Variants in CCDC152 observed in about 807,000 individuals in gnomAD.
CCDC152 encodes the protein coiled-coil domain containing 152.
Under a neutral mutation model 38.1 loss-of-function variants are expected in CCDC152, and 37 were observed. The ratio of observed to expected loss-of-function variants is 0.97; its 90% CI spans 0.75 to 1.28. CCDC152 has a LOEUF of 1.28. Among genes scored for constraint, CCDC152 ranks in the 50% most tolerant of loss-of-function variants. The pLI is 0.00. For missense variants in CCDC152, 259 were observed against 292.1 expected, an observed-to-expected ratio of 0.89 and a Z score of 0.83; for synonymous variants, 83 against 87.1, an observed-to-expected ratio of 0.95 and a Z score of 0.26.
Position 42,799,361 on chromosome 5 carries a change from T to G in CCDC152, c.559-14T>G. The G allele has an allele frequency of 7.2e-7, 1 of 1,393,270 alleles. No homozygotes were observed. The highest frequency in any genetic ancestry group is 9.8e-7 in the Non-Finnish European group (1 of 1,019,906). 86.3% of individuals were successfully genotyped at this position (1,393,270 alleles called of 1,614,324 possible). A position where few individuals can be genotyped will look rare whatever the true frequency, so the allele number is the denominator to read the frequency against. On this transcript the variant is annotated splice_polypyrimidine_tract_variant and intron_variant, in intron 7 of 8. Coordinates refer to ENST00000361970, the MANE Select transcript of CCDC152 (RefSeq NM_001134848.2). ...GTCTAGAGTTTCAATAACTTTCTTT[T>G]CAATTTGATTCAGTTTGATGCCAAA...
At chr5:42,782,706 A>C (rs10069861) in intron 5 of CCDC152, among the ~76,000 whole-genome samples, 1 of 151,866 alleles carries the variant, frequency 6.6e-6, no homozygotes, top group East Asian at 1.9e-4. Flanking sequence ...TGATAAATAT[A>C]TGAGGCAAAT....
intron 6 of CCDC152, among the ~76,000 whole-genome samples, chr5:42,795,453 G>T (rs1760061745): frequency 6.6e-6 from 1 of 152,162 alleles, no homozygotes; most frequent in Non-Finnish European, 1.5e-5. Flanking sequence ...TCACCTTTTA[G>T]TGGTAGAAAA....
chr5:42,801,426 CTAGT>C lies in CCDC152; in HGVS notation c.*1648_*1651del, dbSNP rs1760200024. 1 of 941,328 alleles carries C rather than the reference CTAGT, an allele frequency of 1.1e-6. No individual in the cohort carries two copies. Among genetic ancestry groups the C allele is most frequent in the Non-Finnish European group, 1.6e-6 (1 of 630,354 alleles). 58.3% of individuals were successfully genotyped at this position (941,328 alleles called of 1,614,324 possible). A position where few individuals can be genotyped will look rare whatever the true frequency, so the allele number is the denominator to read the frequency against. On this transcript the variant is annotated 3_prime_UTR_variant, in exon 9 of 9. Coordinates refer to ENST00000361970, the MANE Select transcript of CCDC152 (RefSeq NM_001134848.2). ...GTAGAGCTAACATGTGAAATTCCAA[CTAGT>C]TAATTAGAATCGAGCTGGCTTTGTA...
intron 6 of CCDC152, among the ~76,000 whole-genome samples, chr5:42,788,321 G>A (rs1213671973): frequency 3.3e-5 from 5 of 149,706 alleles, no homozygotes; most frequent in Admixed American, 2.0e-4. Flanking sequence ...GACTATTTAA[G>A]GTCAATGCCA....
At chr5:42,772,765 C>T (rs1219119038) in intron 4 of CCDC152, among the ~76,000 whole-genome samples, 2 of 152,102 alleles carry the variant, frequency 1.3e-5, no homozygotes, top group African/African-American at 2.4e-5. Flanking sequence ...CTTGATTGAG[C>T]AAGGTAATAG....
chr5:42,767,664 T>C (rs1441137180), intron 3 of CCDC152, among the ~76,000 whole-genome samples: 1 of 152,256 alleles, frequency 6.6e-6, no homozygotes, highest in Non-Finnish European at 1.5e-5. Context: ...AATTTATCTA[T>C]GCTCCATTGT....
At chr5:42,785,507 T>C (rs895278031) in intron 6 of CCDC152, among the ~76,000 whole-genome samples, 3 of 152,024 alleles carry the variant, frequency 2.0e-5, no homozygotes, top group Non-Finnish European at 4.4e-5. Flanking sequence ...TAGGGTTTTC[T>C]AGGTGTAGAA....
intron 6 of CCDC152, among the ~76,000 whole-genome samples, chr5:42,794,463 G>A (rs1160031954): frequency 6.6e-6 from 1 of 152,182 alleles, no homozygotes; most frequent in Non-Finnish European, 1.5e-5. Flanking sequence ...ATGATCCTTT[G>A]ATAAGTGACA....
At chr5:42,779,256 G>A (rs890491836) in intron 4 of CCDC152, among the ~76,000 whole-genome samples, 1 of 152,098 alleles carries the variant, frequency 6.6e-6, no homozygotes, top group Non-Finnish European at 1.5e-5. Context: ...ATTTGACTCA[G>A]CACTAGGCTG....
At chr5:42,773,478 C>G (rs139452007) in intron 4 of CCDC152, among the ~76,000 whole-genome samples, 115 of 152,238 alleles carry the variant, frequency 7.6e-4, no homozygotes, top group Middle Eastern at 3.4e-3. Context: ...AATGGGAGTT[C>G]TAAAACTGAA....
At chr5:42,768,332 C>G (rs1759652583) in intron 3 of CCDC152, among the ~76,000 whole-genome samples, 1 of 152,078 alleles carries the variant, frequency 6.6e-6, no homozygotes, top group Non-Finnish European at 1.5e-5. Context: ...TGTGGATTGC[C>G]TACTATGGAC....
intron 3 of CCDC152, among the ~76,000 whole-genome samples, chr5:42,768,168 G>T (rs1759650410): frequency 6.6e-6 from 1 of 152,170 alleles, no homozygotes; most frequent in South Asian, 2.1e-4. Flanking sequence ...ATTAAAAGGT[G>T]AAAAGTTTTG....
At chr5:42,773,250 C>G (rs756284882) in intron 4 of CCDC152, among the ~76,000 whole-genome samples, 1 of 152,056 alleles carries the variant, frequency 6.6e-6, no homozygotes, top group Non-Finnish European at 1.5e-5. Context: ...TTCCTTTAGT[C>G]TTATCAATGA....
chr5:42,797,790 AT>A (rs568883127), intron 7 of CCDC152, among the ~76,000 whole-genome samples: 37 of 149,578 alleles, frequency 2.5e-4, no homozygotes, highest in East Asian at 1.6e-3. Flanking sequence ...AATTCCTACA[AT>A]TTTTTTTTTA....
At chr5:42,769,732 G>T in intron 4 of CCDC152, 67 bp downstream of exon 4, 1 of 1,415,394 alleles carries the variant, frequency 7.1e-7, no homozygotes, top group East Asian at 2.7e-5. Context: ...AAAATAGGAA[G>T]TTTTTACATG....
chr5:42,758,291 C>A (rs1327796245), intron 1 of CCDC152, among the ~76,000 whole-genome samples: 1 of 152,138 alleles, frequency 6.6e-6, no homozygotes, highest in Non-Finnish European at 1.5e-5. Context: ...CAATAATATG[C>A]CCCCAAATTG....
intron 7 of CCDC152, among the ~76,000 whole-genome samples, chr5:42,799,029 C>G (rs1269802380): frequency 6.6e-6 from 1 of 152,062 alleles, no homozygotes; most frequent in Non-Finnish European, 1.5e-5. Flanking sequence ...AAACTAGATT[C>G]TAAACCCTGT....
In CCDC152 at chr5:42,799,941, T is replaced by C; in HGVS notation, c.*160T>C. On this transcript the variant is annotated 3_prime_UTR_variant, in exon 9 of 9. Transcript: ENST00000361970. ...ATCCGTACTGTATCCAATTCTGTAC[T>C]GCATTCTTGCTTAATAGTATTAACC... 1.3e-6 allele frequency: 1 copy of C among 772,974 alleles called. No homozygotes were observed. The highest frequency in any genetic ancestry group is 2.0e-6 in the Non-Finnish European group (1 of 495,350). 47.9% of individuals were successfully genotyped at this position (772,974 alleles called of 1,614,324 possible). A position where few individuals can be genotyped will look rare whatever the true frequency, so the allele number is the denominator to read the frequency against.
At position 42,759,108 on chromosome 5, in the gene CCDC152, T is replaced by G; in HGVS notation, c.-2-12T>G. 1 of 1,519,894 alleles carries G rather than the reference T, an allele frequency of 6.6e-7. No individual in the cohort carries two copies. Among genetic ancestry groups the G allele is most frequent in the East Asian group, 2.5e-5 (1 of 40,672 alleles). The allele number at this position is 1,519,894 out of a possible 1,614,324, so 94.2% of individuals were successfully genotyped here. A position where few individuals can be genotyped will look rare whatever the true frequency, so the allele number is the denominator to read the frequency against. ...TATTTATTTAACACTATCTACTGTT[T>G]ACTACTTTCAGGCATGGACCAAAGC... On this transcript the variant is annotated splice_polypyrimidine_tract_variant and intron_variant, in intron 1 of 8. Transcript: ENST00000361970.
Sources: allele counts gnomAD v4.1 joint callset (sites outside exome capture counted in the v4.1 genomes callset), GRCh38; gene constraint gnomAD v4.1.1; transcripts MANE v1.5; gene names NCBI Gene and HGNC (gene_info 2026-07-23, HGNC 2026-07-21).